Variants in SLC35F1 observed in about 807,000 individuals in gnomAD.
SLC35F1 encodes chromosome 6 open reading frame 169.
In SLC35F1, 14 loss-of-function variants were observed where a neutral mutation model predicts 48.7. The observed-to-expected ratio is 0.29, with a 90% confidence interval of 0.19 to 0.45. SLC35F1 has a LOEUF of 0.45. SLC35F1 is among the 20% of genes least tolerant of loss of function. The pLI is 1.00. For synonymous variants in SLC35F1, 190 were observed against 202.2 expected (o/e 0.94, Z 0.51); for missense variants, 404 against 500.0 (o/e 0.81, Z 1.83).
chr6:118,117,516 G>A (rs748263459), intron 1 of SLC35F1, among the ~76,000 whole-genome samples: 1 of 152,108 alleles, frequency 6.6e-6, no homozygotes, highest in Non-Finnish European at 1.5e-5. Context: ...ATAATTTGGA[G>A]CCAAGTTTAT....
chr6:118,294,741 A>C (rs1393337601), intron 7 of SLC35F1, among the ~76,000 whole-genome samples: 2 of 152,200 alleles, frequency 1.3e-5, no homozygotes, highest in Non-Finnish European at 2.9e-5. Flanking sequence ...ATCCTGTTTG[A>C]AGAATATCTT....
chr6:118,289,207 C>A (rs1190800695), intron 7 of SLC35F1, among the ~76,000 whole-genome samples: 1 of 152,170 alleles, frequency 6.6e-6, no homozygotes, highest in Non-Finnish European at 1.5e-5. Context: ...CAGAAGTTGT[C>A]CATGGTGTGG....
chr6:118,059,879 A>G (rs534186389), intron 1 of SLC35F1, among the ~76,000 whole-genome samples: 2 of 152,302 alleles, frequency 1.3e-5, no homozygotes, highest in South Asian at 4.1e-4. Context: ...TAATGATACC[A>G]TTTTTATAGA....
At chr6:118,219,061 C>T (rs527681148) in intron 2 of SLC35F1, among the ~76,000 whole-genome samples, 104 of 152,208 alleles carry the variant, frequency 6.8e-4, no homozygotes, top group African/African-American at 2.4e-3. Context: ...AATTTTAACA[C>T]GGACCTTTAG....
intron 1 of SLC35F1, among the ~76,000 whole-genome samples, chr6:118,047,614 A>G (rs994428521): frequency 6.6e-6 from 1 of 152,158 alleles, no homozygotes; most frequent in Non-Finnish European, 1.5e-5. Flanking sequence ...ACACATGTTG[A>G]TTTCCACTCT....
At chr6:118,096,270 C>A (rs1173375420) in intron 1 of SLC35F1, among the ~76,000 whole-genome samples, 1 of 152,090 alleles carries the variant, frequency 6.6e-6, no homozygotes, top group Non-Finnish European at 1.5e-5. Context: ...TTTAGGTAAG[C>A]CTTGGTACAA....
At chr6:118,098,081 A>G (rs1255745594) in intron 1 of SLC35F1, among the ~76,000 whole-genome samples, 3 of 152,236 alleles carry the variant, frequency 2.0e-5, no homozygotes, top group African/African-American at 4.8e-5. Context: ...ATTATCTATT[A>G]CTTGCAAGCA....
intron 1 of SLC35F1, among the ~76,000 whole-genome samples, chr6:117,994,045 G>A (rs1776953558): frequency 6.6e-6 from 1 of 152,102 alleles, no homozygotes; most frequent in South Asian, 2.1e-4. Context: ...CTTCTCTGCA[G>A]GCGCTAGGGG....
rs1338477804 is a variant in SLC35F1, at chr6:117,923,608, C to CATATATGTACAT, written c.173+15714_173+15715insTGTACATATATA. ...GTATATATACATATGTGTATATATACATATACATATGTATATATACATATA... is the reference window on the plus strand; with the variant it reads ...GTATATATACATATGTGTATATATACATATATGTACATATATACATATGTATATATACATATA... On this transcript the variant is annotated intron_variant, in intron 1 of 7. Transcript: ENST00000360388. Among the ~76,000 whole-genome samples the CATATATGTACAT allele has an allele frequency of 7.7e-5, 2 of 26,074 alleles. 1 individual carries two copies. The highest frequency in any genetic ancestry group is 4.1e-4 in the African/African-American group (2 of 4,846). 17.1% of individuals were successfully genotyped at this position (26,074 alleles called of 152,430 possible).
intron 1 of SLC35F1, among the ~76,000 whole-genome samples, chr6:118,088,488 T>C (rs1018900227): frequency 3.3e-5 from 5 of 152,194 alleles, no homozygotes; most frequent in Non-Finnish European, 5.9e-5. Flanking sequence ...GCTTTCCTTT[T>C]AGGGTATCTC....
intron 2 of SLC35F1, among the ~76,000 whole-genome samples, chr6:118,213,891 T>C (rs2114552845): frequency 6.6e-6 from 1 of 152,346 alleles, no homozygotes; most frequent in Middle Eastern, 3.4e-3. Flanking sequence ...TAGTACTGGA[T>C]GTGAAGGAAA....
intron 1 of SLC35F1, among the ~76,000 whole-genome samples, chr6:117,964,583 T>A (rs2114837800): frequency 6.6e-6 from 1 of 152,326 alleles, no homozygotes; most frequent in East Asian, 1.9e-4. Flanking sequence ...GCTGTTTCTT[T>A]GACTGATAGT....
At chr6:118,309,213 ATTT>A (rs1055046377) in intron 7 of SLC35F1, among the ~76,000 whole-genome samples, 1 of 144,626 alleles carries the variant, frequency 6.9e-6, no homozygotes, top group East Asian at 2.0e-4. Flanking sequence ...GCGTGTGTGT[ATTT>A]TTTTTTAAGA....
intron 1 of SLC35F1, among the ~76,000 whole-genome samples, chr6:118,056,469 A>T (rs1418251373): frequency 6.6e-6 from 1 of 152,230 alleles, no homozygotes; most frequent in Non-Finnish European, 1.5e-5. Flanking sequence ...GTTCAATCGA[A>T]CACAAATTGC....
intron 1 of SLC35F1, among the ~76,000 whole-genome samples, chr6:118,123,431 T>G (rs891890483): frequency 5.9e-5 from 2 of 33,948 alleles, no homozygotes; most frequent in Non-Finnish European, 1.2e-4. Flanking sequence ...AATGATAGTT[T>G]TTTTTTTTTA....
intron 5 of SLC35F1, among the ~76,000 whole-genome samples, chr6:118,277,098 T>G (rs1775927001): frequency 6.6e-6 from 1 of 152,192 alleles, no homozygotes; most frequent in African/African-American, 2.4e-5. Context: ...GTCATGTACA[T>G]TTAACTTTGA....
chr6:117,967,119 C>G (rs567398512), intron 1 of SLC35F1, among the ~76,000 whole-genome samples: 1 of 152,060 alleles, frequency 6.6e-6, no homozygotes, highest in African/African-American at 2.4e-5. Context: ...TTCTTTAGTA[C>G]TTTGATACTT....
At chr6:118,166,052 G>C (rs1774312792) in intron 2 of SLC35F1, among the ~76,000 whole-genome samples, 1 of 152,026 alleles carries the variant, frequency 6.6e-6, no homozygotes, top group South Asian at 2.1e-4. Flanking sequence ...CTTAGATGAG[G>C]TCATTAAAAG....
At chr6:118,129,688 A>T (rs1190785641) in intron 1 of SLC35F1, among the ~76,000 whole-genome samples, 1 of 152,146 alleles carries the variant, frequency 6.6e-6, no homozygotes, top group African/African-American at 2.4e-5. Context: ...AGGCTGTGAG[A>T]GAGAGGGGAA....
Sources: allele counts gnomAD v4.1 joint callset (sites outside exome capture counted in the v4.1 genomes callset), GRCh38; gene constraint gnomAD v4.1.1; transcripts MANE v1.5; gene names NCBI Gene and HGNC (gene_info 2026-07-23, HGNC 2026-07-21).